Variants in NEK10 observed in about 807,000 individuals in gnomAD.
The protein encoded by NEK10 is NIMA related kinase 10.
NEK10 carries 122 observed loss-of-function variants against 159.8 expected under a neutral mutation model. That is an observed-to-expected ratio of 0.76 (90% CI 0.66 to 0.89). The LOEUF is 0.89. Ranked by LOEUF, NEK10 falls within the 40% of genes least tolerant of loss-of-function variation. The pLI, the probability that NEK10 is intolerant of heterozygous loss-of-function variation, is 0.00. For synonymous variants in NEK10, 466 were observed against 457.1 expected (o/e 1.02, Z -0.25); for missense variants, 1,342 against 1,323.1 (o/e 1.01, Z -0.22).
rs1412795784 is a variant in NEK10, at chr3:27,290,660, C to T, written c.1700G>A (p.Ser567Asn). 1 of 1,608,106 alleles carries T rather than the reference C, an allele frequency of 6.2e-7. No individual in the cohort carries two copies. Among genetic ancestry groups the T allele is most frequent in the Non-Finnish European group, 8.5e-7 (1 of 1,175,652 alleles). ...FGKDKKDRDS[S>N]VRNIVSELTI... Reference sequence around the variant, plus strand: ...TAATTCAGAAACAATATTCCTTACGCTGCTGTCTCGATCTTTCTTATCCTT... The same window carrying T: ...TAATTCAGAAACAATATTCCTTACGTTGCTGTCTCGATCTTTCTTATCCTT... The change falls in exon 19 of 36, where the codon AGC becomes AAC. Residue 567 changes from serine (S) to asparagine (N), a missense_variant. Coordinates refer to ENST00000691995, the MANE Select transcript of NEK10 (RefSeq NM_001394966.1).
intron 1 of NEK10, among the ~76,000 whole-genome samples, chr3:27,356,680 C>A (rs2048346929): frequency 6.6e-6 from 1 of 152,110 alleles, no homozygotes; most frequent in Non-Finnish European, 1.5e-5. Flanking sequence ...TTCTCCATAT[C>A]CTTTGGGTTT....
chr3:27,296,779 AT>A (rs2043385519), intron 14 of NEK10, among the ~76,000 whole-genome samples: 1 of 152,130 alleles, frequency 6.6e-6, no homozygotes, highest in African/African-American at 2.4e-5. Flanking sequence ...GGCAATAAAT[AT>A]TTTGTTTGCT....
chr3:27,368,311 AG>A (rs1298676889), intron 1 of NEK10, among the ~76,000 whole-genome samples: 40 of 144,462 alleles, frequency 2.8e-4, no homozygotes, highest in Non-Finnish European at 8.8e-5. Context: ...CTTTTTTAGA[AG>A]GACTCCATAT....
intron 30 of NEK10, among the ~76,000 whole-genome samples, chr3:27,154,344 G>C (rs186960432): frequency 1.5e-3 from 222 of 152,242 alleles, no homozygotes; most frequent in Non-Finnish European, 2.1e-3. Context: ...GGACCAGAGG[G>C]ATTCACAGCA....
At chr3:27,214,963 T>C in intron 23 of NEK10, 1 of 787,010 alleles carries the variant, frequency 1.3e-6, no homozygotes, top group South Asian at 1.4e-5. Flanking sequence ...AGTGCCTATC[T>C]TCACGACCAC....
At chr3:27,280,843 A>G (rs2042099807) in intron 22 of NEK10, among the ~76,000 whole-genome samples, 1 of 151,876 alleles carries the variant, frequency 6.6e-6, no homozygotes, top group Non-Finnish European at 1.5e-5. Flanking sequence ...TAAAACATGT[A>G]TATATGCTAC....
intron 5 of NEK10, among the ~76,000 whole-genome samples, chr3:27,341,062 T>C (rs1270220763): frequency 1.3e-5 from 2 of 152,154 alleles, no homozygotes; most frequent in Admixed American, 1.3e-4. Context: ...TGGATGGAAC[T>C]GGAAGGCATT....
At chr3:27,261,980 G>A (rs984550754) in intron 22 of NEK10, among the ~76,000 whole-genome samples, 1 of 152,046 alleles carries the variant, frequency 6.6e-6, no homozygotes, top group African/African-American at 2.4e-5. Flanking sequence ...TTATGTAATG[G>A]CCTTCTTTGT....
intron 26 of NEK10, among the ~76,000 whole-genome samples, chr3:27,179,931 A>C (rs1277684345): frequency 2.0e-5 from 3 of 152,102 alleles, no homozygotes; most frequent in East Asian, 3.9e-4. Flanking sequence ...AAATACAAAA[A>C]TTAGCCAGAC....
At chr3:27,326,753 T>G (rs1325450610) in intron 5 of NEK10, among the ~76,000 whole-genome samples, 1 of 152,216 alleles carries the variant, frequency 6.6e-6, no homozygotes, top group East Asian at 1.9e-4. Flanking sequence ...CGGCCTCTGC[T>G]GCTGTAAATG....
At chr3:27,263,703 G>C (rs985810956) in intron 22 of NEK10, among the ~76,000 whole-genome samples, 1 of 152,148 alleles carries the variant, frequency 6.6e-6, no homozygotes, top group African/African-American at 2.4e-5. Flanking sequence ...TGATTTTCCA[G>C]GTGCCATCTG....
At chr3:27,366,733 T>C (rs1306900319) in intron 1 of NEK10, among the ~76,000 whole-genome samples, 1 of 151,978 alleles carries the variant, frequency 6.6e-6, no homozygotes, top group African/African-American at 2.4e-5. Flanking sequence ...TGCACTTGAC[T>C]GAATCAAAAG....
At chr3:27,224,901 T>G (rs1274698964) in intron 23 of NEK10, among the ~76,000 whole-genome samples, 7 of 152,210 alleles carry the variant, frequency 4.6e-5, no homozygotes. Flanking sequence ...GCTCACAAAA[T>G]GTCACTTGTT....
intron 30 of NEK10, chr3:27,162,196 A>G (rs1221966617): frequency 1.3e-5 from 6 of 474,916 alleles, no homozygotes; most frequent in East Asian, 7.3e-5. Flanking sequence ...TGAAGCATCA[A>G]TAGGTCAACT....
chr3:27,160,466 A>G (rs531618916), intron 30 of NEK10, among the ~76,000 whole-genome samples: 2 of 152,358 alleles, frequency 1.3e-5, no homozygotes, highest in South Asian at 4.1e-4. Context: ...CTTCATATGA[A>G]GGTTGAGAAA....
At chr3:27,187,769 A>C (rs971530154) in intron 26 of NEK10, among the ~76,000 whole-genome samples, 1 of 152,042 alleles carries the variant, frequency 6.6e-6, no homozygotes. Flanking sequence ...TCAAAAAAAA[A>C]AAAAAAGAAA....
At chr3:27,246,530 C>A (rs2149279932) in intron 23 of NEK10, among the ~76,000 whole-genome samples, 1 of 152,264 alleles carries the variant, frequency 6.6e-6, no homozygotes, top group South Asian at 2.1e-4. Context: ...ATATCCATCA[C>A]TTCAAGCATT....
chr3:27,217,475 A>G (rs566852668), intron 23 of NEK10, among the ~76,000 whole-genome samples: 6 of 152,244 alleles, frequency 3.9e-5, no homozygotes, highest in Admixed American at 6.5e-5. Context: ...CTTTTAAACA[A>G]TGAGATCTTG....
At chr3:27,368,367 G>GA (rs1209593967) in intron 1 of NEK10, among the ~76,000 whole-genome samples, 1 of 151,900 alleles carries the variant, frequency 6.6e-6, no homozygotes, top group Non-Finnish European at 1.5e-5. Context: ...CAATGGTGGG[G>GA]AAAAAAGTGG....
Sources: allele counts gnomAD v4.1 joint callset (sites outside exome capture counted in the v4.1 genomes callset), GRCh38; gene constraint gnomAD v4.1.1; transcripts MANE v1.5; gene names NCBI Gene and HGNC (gene_info 2026-07-23, HGNC 2026-07-21).